The following UPK1B variants were observed in gnomAD, a reference collection of about 807,000 sequenced individuals.
UPK1B encodes the protein uroplakin 1B, also known as uroplakin-1b.
A neutral mutation model predicts 34.2 loss-of-function variants in UPK1B; 28 were observed. The ratio of observed to expected loss-of-function variants is 0.82; its 90% CI spans 0.61 to 1.12. The LOEUF is 1.12. Among genes scored for constraint, UPK1B ranks in the 50% most tolerant of loss-of-function variants. UPK1B has a pLI of 0.00. For synonymous variants in UPK1B, 81 were observed against 110.4 expected (o/e 0.73, Z 1.67); for missense variants, 325 against 320.9 (o/e 1.01, Z -0.10).
Position 119,194,215 on chromosome 3 carries a change from A to T in UPK1B, c.469-4A>T, listed in dbSNP as rs1559903295. The T allele has an allele frequency of 6.2e-7, 1 of 1,613,620 alleles. No homozygotes were observed. Among genetic ancestry groups the T allele is most frequent in the Non-Finnish European group, 8.5e-7 (1 of 1,179,730 alleles). On this transcript the variant is annotated splice_region_variant and splice_polypyrimidine_tract_variant and intron_variant, in intron 5 of 7. Transcript: ENST00000264234. ...AGAATTTTGTATCTCTCATCTGCTG[A>T]CAGGACAATTGCTGTGGCGTAAATG...
At chr3:119,179,750 A>G (rs1277769209) in intron 1 of UPK1B, among the ~76,000 whole-genome samples, 6 of 107,842 alleles carry the variant, frequency 5.6e-5, no homozygotes, top group Non-Finnish European at 1.1e-4. Context: ...CTCGTGATCC[A>G]CCCGCCTCGG....
intron 1 of UPK1B, among the ~76,000 whole-genome samples, chr3:119,176,382 A>G (rs1358733115): frequency 1.3e-5 from 2 of 152,280 alleles, no homozygotes; most frequent in African/African-American, 2.4e-5. Flanking sequence ...AGACCTTTCA[A>G]TGTGTCTGGA....
chr3:119,190,909 G>A (rs2078041074), intron 4 of UPK1B, 73 bp from the exon 5 acceptor site: 1 of 1,586,978 alleles, frequency 6.3e-7, no homozygotes, highest in Admixed American at 1.7e-5. Context: ...GGAAAAGACA[G>A]AGAAAAATAT....
At chr3:119,191,237 G>A (rs1396193015) in intron 5 of UPK1B, 133 bp downstream of exon 5, 2 of 1,138,488 alleles carry the variant, frequency 1.8e-6, no homozygotes, top group African/African-American at 3.1e-5. Context: ...GAATGATTTT[G>A]TCAAGAAACT....
At chr3:119,196,360 T>C (rs2078067424) in intron 6 of UPK1B, among the ~76,000 whole-genome samples, 1 of 152,108 alleles carries the variant, frequency 6.6e-6, no homozygotes, top group Non-Finnish European at 1.5e-5. Context: ...ATTCACTACC[T>C]GGAACTATAT....
chr3:119,194,370 T>C lies in UPK1B; in HGVS notation c.620T>C (p.Leu207Pro). 6.2e-7 allele frequency: 1 copy of C among 1,613,148 alleles called. No homozygotes were observed. The highest frequency in any genetic ancestry group is 8.5e-7 in the Non-Finnish European group (1 of 1,179,796). Residue 207 changes from leucine to proline, a missense_variant, in exon 6 of 8, where the codon CTA (leucine) becomes CCA (proline). By Grantham distance (98) the Leu-to-Pro change is moderately conservative (BLOSUM62 -3). Coordinates refer to ENST00000264234, the MANE Select transcript of UPK1B (RefSeq NM_006952.4). Reference protein sequence around the residue: ...KEPLNLEACKLGVPGFYHNQG... With the variant: ...KEPLNLEACKPGVPGFYHNQG... Reference sequence around the variant, plus strand: ...CCTCTCAACCTGGAGGCTTGTAAACTAGGCGTGCCTGGTTTTTATCACAAT... The same window carrying C: ...CCTCTCAACCTGGAGGCTTGTAAACCAGGCGTGCCTGGTTTTTATCACAAT...
chr3:119,200,263 G>A (rs542942736), intron 7 of UPK1B, among the ~76,000 whole-genome samples: 1 of 152,234 alleles, frequency 6.6e-6, no homozygotes, highest in East Asian at 1.9e-4. Context: ...TTGTTGCCTA[G>A]GTTGGTCTTG....
chr3:119,181,436 A>G (rs145224585), intron 1 of UPK1B, among the ~76,000 whole-genome samples: 1 of 152,328 alleles, frequency 6.6e-6, no homozygotes, highest in African/African-American at 2.4e-5. Flanking sequence ...CTAATATTGT[A>G]TTAAAACTTC....
At chr3:119,196,494 T>C (rs1271457559) in intron 6 of UPK1B, among the ~76,000 whole-genome samples, 1 of 151,940 alleles carries the variant, frequency 6.6e-6, no homozygotes, top group Non-Finnish European at 1.5e-5. Context: ...GTTTGATAGA[T>C]GGGTGAATAA....
chr3:119,174,492 A>G (rs550440020), intron 1 of UPK1B, among the ~76,000 whole-genome samples: 8 of 152,222 alleles, frequency 5.3e-5, no homozygotes, highest in Non-Finnish European at 1.2e-4. Context: ...ACAGTGGCAC[A>G]TGCCTGCAGT....
At chr3:119,183,969 AG>A (rs2078001686) in intron 1 of UPK1B, among the ~76,000 whole-genome samples, 1 of 152,240 alleles carries the variant, frequency 6.6e-6, no homozygotes, top group Non-Finnish European at 1.5e-5. Context: ...TTTAGTGGCC[AG>A]AAAATTCAGA....
chr3:119,195,023 T>C (rs1337410682), intron 6 of UPK1B, among the ~76,000 whole-genome samples: 4 of 152,218 alleles, frequency 2.6e-5, no homozygotes, highest in African/African-American at 7.2e-5. Flanking sequence ...ACATACACTA[T>C]CTCCTTTAAT....
Position 119,187,867 on chromosome 3 carries a change from C to T in UPK1B, c.162C>T (p.Asp54=), listed in dbSNP as rs1481993896. The T allele has an allele frequency of 6.2e-7, 1 of 1,614,018 alleles. No individual in the cohort carries two copies. Among genetic ancestry groups the T allele is most frequent in the African/African-American group, 1.3e-5 (1 of 74,916 alleles). ...YPLLEATDND[D]IYGAAWIGIF... ...TGCTTGAAGCCACCGACAACGATGACATCTATGGGGCTGCCTGGATCGGCA... is the reference window on the plus strand; with the variant it reads ...TGCTTGAAGCCACCGACAACGATGATATCTATGGGGCTGCCTGGATCGGCA... Residue 54 remains aspartate (D), a synonymous_variant, in exon 3 of 8, where the codon GAC becomes GAT. Transcript: ENST00000264234.
intron 2 of UPK1B, 36 bp downstream of exon 2, chr3:119,186,846 T>A (rs2078021438): frequency 1.3e-6 from 2 of 1,593,298 alleles, no homozygotes; most frequent in South Asian, 2.2e-5. Context: ...ATTCTGCACT[T>A]CCTGTAATCA....
At position 119,202,832 on chromosome 3, in the gene UPK1B, A is replaced by G. The variant is rs1342044257; in HGVS notation, c.733-1085A>G. On this transcript the variant is annotated intron_variant, in intron 7 of 7. Coordinates refer to ENST00000264234, the MANE Select transcript of UPK1B (RefSeq NM_006952.4). ...TGGTACATACTAGAAACAGGAAGGC[A>G]TTGGAGGATAAGTGGCCTTGATGGC... Among the ~76,000 whole-genome samples, 3 of 152,352 alleles carry G rather than the reference A, an allele frequency of 2.0e-5. No homozygotes were observed. In the East Asian group the frequency reaches 5.8e-4, roughly 29 times the overall value.
chr3:119,194,404 T>G lies in UPK1B; in HGVS notation c.648+6T>G. 6.3e-7 allele frequency: 1 copy of G among 1,596,324 alleles called. No homozygotes were observed. The highest frequency in any genetic ancestry group is 8.5e-7 in the Non-Finnish European group (1 of 1,173,168). ...CTGGTTTTTATCACAATCAGGTGAG[T>G]CCTCTCTCCTCCCAAGACTTCCCAG... On this transcript the variant is annotated splice_donor_region_variant and intron_variant, in intron 6 of 7. Coordinates refer to ENST00000264234, the MANE Select transcript of UPK1B (RefSeq NM_006952.4).
In UPK1B at chr3:119,174,248, T is replaced by C. The variant is rs545729996; in HGVS notation, c.-29+610T>C. 2.0e-5 allele frequency among the ~76,000 whole-genome samples: 3 copies of C among 152,240 alleles called. No homozygotes were observed. The East Asian group carries it at 5.8e-4, about 29-fold the overall frequency. On this transcript the variant is annotated intron_variant, in intron 1 of 7. Transcript: ENST00000264234. The stretch of plus-strand genomic sequence containing the variant: ...AGTAAGTCAACAAAGTAGCTTTATC[T>C]ACGCAATGTTATTTTTACATAATTT...
intron 6 of UPK1B, among the ~76,000 whole-genome samples, chr3:119,197,561 G>T (rs546311149): frequency 1.3e-5 from 2 of 152,292 alleles, no homozygotes; most frequent in South Asian, 4.1e-4. Flanking sequence ...CATCAAGTGT[G>T]TTGCAAATTA....
In UPK1B at chr3:119,194,403, G is replaced by A; in HGVS notation, c.648+5G>A. 1.3e-6 allele frequency: 2 copies of A among 1,599,260 alleles called. No homozygotes were observed. Among genetic ancestry groups the A allele is most frequent in the Non-Finnish European group, 1.7e-6 (2 of 1,174,548 alleles). ...CCTGGTTTTTATCACAATCAGGTGAGTCCTCTCTCCTCCCAAGACTTCCCA... is the reference window on the plus strand; with the variant it reads ...CCTGGTTTTTATCACAATCAGGTGAATCCTCTCTCCTCCCAAGACTTCCCA... On this transcript the variant is annotated splice_donor_5th_base_variant and intron_variant, in intron 6 of 7. Coordinates refer to ENST00000264234, the MANE Select transcript of UPK1B (RefSeq NM_006952.4).
Sources: gnomAD v4.1 joint callset for allele counts (sites outside exome capture counted in the v4.1 genomes callset) on GRCh38, gnomAD v4.1.1 for gene constraint, MANE v1.5 for transcripts, NCBI Gene and HGNC (gene_info 2026-07-23, HGNC 2026-07-21) for gene names.